HNRNPA2B1: variants seen among roughly 807,000 people sequenced by gnomAD.
HNRNPA2B1 encodes the protein heterogeneous nuclear ribonucleoprotein A2/B1.
A neutral mutation model predicts 46.3 loss-of-function variants in HNRNPA2B1; 3 were observed. The ratio of observed to expected loss-of-function variants is 0.06; its 90% CI spans 0.03 to 0.17. HNRNPA2B1 has a LOEUF of 0.17. HNRNPA2B1 is among the 10% of genes least tolerant of loss of function. The pLI is 1.00. For synonymous variants in HNRNPA2B1, 225 were observed against 133.8 expected (o/e 1.68, Z -4.70); for missense variants, 221 against 418.9 (o/e 0.53, Z 4.12).
At chr7:26,199,087 T>C (rs962370205) in intron 1 of HNRNPA2B1, 1 of 152,352 alleles carries the variant, frequency 6.6e-6, no homozygotes, top group Non-Finnish European at 1.5e-5. Flanking sequence ...TATTCTTAAT[T>C]GTCGTCAGCA....
chr7:26,195,748 A>G, intron 7 of HNRNPA2B1, 99 bp downstream of exon 7: 1 of 1,329,440 alleles, frequency 7.5e-7, no homozygotes, highest in Admixed American at 2.6e-5. Flanking sequence ...ATAGACACTA[A>G]TATAAAATGT....
intron 10 of HNRNPA2B1, 24 bp downstream of exon 10, chr7:26,192,471 T>C (rs757964758): frequency 1.9e-5 from 28 of 1,468,282 alleles, no homozygotes; most frequent in African/African-American, 1.1e-4. Context: ...ATAATAATAA[T>C]TGTAAAACTC....
intron 7 of HNRNPA2B1, 51 bp downstream of exon 7, chr7:26,195,796 A>AACT (rs1562710452): frequency 6.3e-7 from 1 of 1,580,126 alleles, no homozygotes; most frequent in Non-Finnish European, 8.6e-7. Flanking sequence ...AATATACGAT[A>AACT]TAGTTAAGTA....
chr7:26,194,701 A>C (rs1783316016), intron 7 of HNRNPA2B1, among the ~76,000 whole-genome samples: 2 of 152,052 alleles, frequency 1.3e-5, no homozygotes, highest in Non-Finnish European at 2.9e-5. Flanking sequence ...TCAAAGAAAA[A>C]AAACAGACCC....
At position 26,194,085 on chromosome 7, in the gene HNRNPA2B1, C is replaced by T. The variant is rs117953342; in HGVS notation, c.722-391G>A. Among the ~76,000 whole-genome samples the T allele has an allele frequency of 6.5e-3, 985 of 152,230 alleles. 2 individuals carry two copies. The highest frequency in any genetic ancestry group is 0.011 in the Non-Finnish European group (741 of 68,016). Reference sequence around the variant, plus strand: ...ATAAAGTTTCTATTATGTCTCTCTACGAATTACATATCTTAAAACAATGTT... The same window carrying T: ...ATAAAGTTTCTATTATGTCTCTCTATGAATTACATATCTTAAAACAATGTT... On this transcript the variant is annotated intron_variant, in intron 7 of 10. Transcript: ENST00000618183.
intron 1 of HNRNPA2B1, 114 bp from the exon 2 acceptor site, chr7:26,197,846 AG>A: frequency 6.2e-7 from 1 of 1,601,892 alleles, no homozygotes; most frequent in Non-Finnish European, 8.5e-7. Flanking sequence ...TCCTCTCCAA[AG>A]GAACAGTTTC....
At position 26,195,339 on chromosome 7, in the gene HNRNPA2B1, C is replaced by T. The variant is rs188210745; in HGVS notation, c.721+508G>A. On this transcript the variant is annotated intron_variant, in intron 7 of 10. Transcript: ENST00000618183. Reference sequence around the variant, plus strand: ...TCAGTGTGTATCAGCCTTTTCTGTACGCCAATGATATATCACACTTCATGT... The same window carrying T: ...TCAGTGTGTATCAGCCTTTTCTGTATGCCAATGATATATCACACTTCATGT... Among the ~76,000 whole-genome samples, 38 of 152,232 alleles carry T rather than the reference C, an allele frequency of 2.5e-4. No individual in the cohort carries two copies. The East Asian group carries it at 5.2e-3, about 21-fold the overall frequency.
chr7:26,191,368 T>G lies in HNRNPA2B1; in HGVS notation c.*992A>C, dbSNP rs1453933134. On this transcript the variant is annotated 3_prime_UTR_variant, in exon 11 of 11. Coordinates refer to ENST00000618183, the MANE Select transcript of HNRNPA2B1 (RefSeq NM_002137.4). ...ATACTGAAAGACCATTTAAGAGTAT[T>G]AGTTTATCTTTTAGGGAGGAAAATT... is the stretch of plus-strand genomic sequence containing the variant. 1 of 152,180 alleles carries G rather than the reference T, an allele frequency of 6.6e-6. No homozygotes were observed. Among genetic ancestry groups the G allele is most frequent in the Non-Finnish European group, 1.5e-5 (1 of 68,008 alleles). 9.4% of individuals were successfully genotyped at this position (152,180 alleles called of 1,614,324 possible).
chr7:26,199,692 T>G (rs1784133551), intron 1 of HNRNPA2B1: 1 of 152,152 alleles, frequency 6.6e-6, no homozygotes, highest in Non-Finnish European at 1.5e-5. Flanking sequence ...AATTTATGTT[T>G]ATTTTGCCGC....
rs1182209188 is a variant in HNRNPA2B1 at position 26,191,036 on chromosome 7, T to A, written c.*1324A>T. On this transcript the variant is annotated 3_prime_UTR_variant, in exon 11 of 11. Coordinates refer to ENST00000618183, the MANE Select transcript of HNRNPA2B1 (RefSeq NM_002137.4). Reference sequence around the variant, plus strand: ...ACTGAAGGAACCAAGAAAAGCTTTATTAATGATCACTTGGCTTGCCTCAGC... The same window carrying A: ...ACTGAAGGAACCAAGAAAAGCTTTAATAATGATCACTTGGCTTGCCTCAGC... 1 of 152,598 alleles carries A rather than the reference T, an allele frequency of 6.6e-6. No individual in the cohort carries two copies. Among genetic ancestry groups the A allele is most frequent in the African/African-American group, 2.4e-5 (1 of 41,462 alleles). The allele number at this position is 152,598 out of a possible 1,614,324, so 9.5% of individuals were successfully genotyped here. A position where few individuals can be genotyped will look rare whatever the true frequency, so the allele number is the denominator to read the frequency against.
At chr7:26,197,960 C>T (rs934431492) in intron 1 of HNRNPA2B1, 1 of 749,610 alleles carries the variant, frequency 1.3e-6, no homozygotes, top group East Asian at 2.7e-5. Context: ...AGCTGATCTA[C>T]ACAAGTTTCA....
chr7:26,191,773 CT>C lies in HNRNPA2B1; in HGVS notation c.*586del, dbSNP rs778965965. 1 of 152,500 alleles carries C rather than the reference CT, an allele frequency of 6.6e-6. No homozygotes were observed. The highest frequency in any genetic ancestry group is 1.5e-5 in the Non-Finnish European group (1 of 68,028). The allele number at this position is 152,500 out of a possible 1,614,324, so 9.4% of individuals were successfully genotyped here. A position where few individuals can be genotyped will look rare whatever the true frequency, so the allele number is the denominator to read the frequency against. ...TTATCTTATACAAATATAACAACAG[CT>C]TTGCAACGGACCTTAATTATACTAC... On this transcript the variant is annotated 3_prime_UTR_variant, in exon 11 of 11. Transcript: ENST00000618183.
intron 1 of HNRNPA2B1, chr7:26,199,248 T>C (rs1784058570): frequency 6.6e-6 from 1 of 152,650 alleles, no homozygotes; most frequent in Non-Finnish European, 1.5e-5. Context: ...TGTTATTTTA[T>C]AAACGTGCTT....
At chr7:26,198,704 T>G (rs1482992513) in intron 1 of HNRNPA2B1, 1 of 152,254 alleles carries the variant, frequency 6.6e-6, no homozygotes, top group Admixed American at 6.5e-5. Context: ...TAAGGAAACC[T>G]GTCTTAAAAG....
intron 1 of HNRNPA2B1, chr7:26,197,945 G>T: frequency 1.0e-6 from 1 of 957,122 alleles, no homozygotes; most frequent in Non-Finnish European, 1.5e-6. Context: ...CCAAAAAATT[G>T]CCTCAGCTGA....
chr7:26,197,152 A>C, intron 3 of HNRNPA2B1, 135 bp from the exon 4 acceptor site: 1 of 1,130,496 alleles, frequency 8.8e-7, no homozygotes, highest in Non-Finnish European at 1.3e-6. Context: ...TTAGGGACCT[A>C]GCTTTTGAAA....
At chr7:26,197,140 T>C in intron 3 of HNRNPA2B1, 123 bp from the exon 4 acceptor site, 2 of 1,110,162 alleles carry the variant, frequency 1.8e-6, no homozygotes, top group Non-Finnish European at 2.6e-6. Flanking sequence ...ATAAAATAGC[T>C]TTTAGGGACC....
chr7:26,197,035 T>C lies in HNRNPA2B1; in HGVS notation c.265-18A>G. Reference sequence around the variant, plus strand: ...CCAGATTCCTAAAATAGTGGTGGGGTAAAAGTCATCCAAACAGAAAAAAAC... The same window carrying C: ...CCAGATTCCTAAAATAGTGGTGGGGCAAAAGTCATCCAAACAGAAAAAAAC... On this transcript the variant is annotated intron_variant, in intron 3 of 10. Coordinates refer to ENST00000618183, the MANE Select transcript of HNRNPA2B1 (RefSeq NM_002137.4). 6.3e-7 allele frequency: 1 copy of C among 1,582,312 alleles called. No homozygotes were observed. The highest frequency in any genetic ancestry group is 2.2e-5 in the East Asian group (1 of 44,710).
In HNRNPA2B1 at chr7:26,196,629, T is replaced by C. The variant is rs1353165662; in HGVS notation, c.505A>G (p.Asn169Asp). 6.2e-7 allele frequency: 1 copy of C among 1,614,050 alleles called. No homozygotes were observed. Among genetic ancestry groups the C allele is most frequent in the Non-Finnish European group, 8.5e-7 (1 of 1,179,896 alleles). The change falls in exon 5 of 11, where the codon AAT (asparagine) becomes GAT (aspartate). Residue 169 changes from asparagine to aspartate, a missense_variant. Around this residue, in one of 2 missense-constraint regions of HNRNPA2B1, gnomAD observed 78 missense variants for 218.5 expected, o/e 0.36. Coordinates refer to ENST00000618183, the MANE Select transcript of HNRNPA2B1 (RefSeq NM_002137.4). ...LQKYHTINGHNAEVRKALSRQ... is the reference protein window; with the variant it reads ...LQKYHTINGHDAEVRKALSRQ... ...GACAAAGCCTTTCTTACTTCTGCAT[T>C]ATGACCATTGATGGTATGGTATTTC...
Sources: gnomAD v4.1 joint callset for allele counts (sites outside exome capture counted in the v4.1 genomes callset) on GRCh38, gnomAD v4.1.1 for gene constraint, gnomAD v4.1.1 regional missense constraint, MANE v1.5 for transcripts, NCBI Gene and HGNC (gene_info 2026-07-23, HGNC 2026-07-21) for gene names.